Variants in PKNOX2 observed in about 807,000 individuals in gnomAD.
The protein encoded by PKNOX2 is PBX/knotted 1 homeobox 2.
In PKNOX2, 14 loss-of-function variants were observed where a neutral mutation model predicts 53.1. That is an observed-to-expected ratio of 0.26 (90% confidence interval 0.17 to 0.41). The LOEUF (loss-of-function observed/expected upper bound fraction) is 0.41. PKNOX2 is among the 10% of genes least tolerant of loss of function. The pLI, the probability that PKNOX2 is intolerant of heterozygous loss-of-function variation, is 1.00. For missense variants in PKNOX2, 496 were observed against 602.8 expected (o/e 0.82, Z 1.85); for synonymous variants, 257 against 242.8 (o/e 1.06, Z -0.54).
chr11:125,283,320 T>G (rs1174364888), intron 2 of PKNOX2, among the ~76,000 whole-genome samples: 3 of 152,148 alleles, frequency 2.0e-5, no homozygotes, highest in Non-Finnish European at 4.4e-5. Context: ...GGCTGACACC[T>G]CAAGAATGGA....
At chr11:125,426,158 T>C (rs1164692977) in intron 10 of PKNOX2, among the ~76,000 whole-genome samples, 2 of 152,196 alleles carry the variant, frequency 1.3e-5, no homozygotes, top group African/African-American at 4.8e-5. Context: ...AGGATTTCCT[T>C]CTCTGGAGGC....
intron 2 of PKNOX2, among the ~76,000 whole-genome samples, chr11:125,243,538 G>C (rs1943319377): frequency 6.6e-6 from 1 of 151,836 alleles, no homozygotes; most frequent in Non-Finnish European, 1.5e-5. Context: ...CACCTCTTGT[G>C]CCATAGTTGC....
intron 10 of PKNOX2, among the ~76,000 whole-genome samples, chr11:125,421,533 G>C (rs1021266098): frequency 1.1e-4 from 16 of 152,210 alleles, no homozygotes; most frequent in Middle Eastern, 3.2e-3. Flanking sequence ...ATCTGGAACA[G>C]GTTAATGAAC....
intron 1 of PKNOX2, among the ~76,000 whole-genome samples, chr11:125,167,995 T>C (rs1955017711): frequency 6.6e-6 from 1 of 152,236 alleles, no homozygotes; most frequent in Admixed American, 6.5e-5. Flanking sequence ...CCTTTAAATG[T>C]TGCTTGGTGC....
At chr11:125,279,811 T>C (rs1205130990) in intron 2 of PKNOX2, among the ~76,000 whole-genome samples, 4 of 152,198 alleles carry the variant, frequency 2.6e-5, no homozygotes, top group Admixed American at 2.0e-4. Context: ...AAGTGTTAAA[T>C]ACAGCATCAA....
At chr11:125,313,579 G>A (rs1316410417) in intron 2 of PKNOX2, among the ~76,000 whole-genome samples, 3 of 152,074 alleles carry the variant, frequency 2.0e-5, no homozygotes, top group Non-Finnish European at 2.9e-5. Context: ...AAAGCTCAAA[G>A]GACAGCATCC....
At chr11:125,196,503 T>C (rs1372281787) in intron 1 of PKNOX2, among the ~76,000 whole-genome samples, 1 of 152,170 alleles carries the variant, frequency 6.6e-6, no homozygotes, top group East Asian at 1.9e-4. Flanking sequence ...AGAAGCTTCA[T>C]GCTGTGTGTT....
intron 3 of PKNOX2, among the ~76,000 whole-genome samples, chr11:125,342,802 C>T (rs1950766517): frequency 6.6e-6 from 1 of 151,612 alleles, no homozygotes; most frequent in South Asian, 2.1e-4. Flanking sequence ...TCCCAGGTGC[C>T]CTGACACTCC....
intron 1 of PKNOX2, among the ~76,000 whole-genome samples, chr11:125,224,986 G>T (rs1403955891): frequency 1.3e-5 from 2 of 152,214 alleles, no homozygotes; most frequent in Non-Finnish European, 2.9e-5. Flanking sequence ...GGTGCTGGGT[G>T]CTCCCTCCAG....
intron 10 of PKNOX2, among the ~76,000 whole-genome samples, chr11:125,418,619 T>A (rs1328760412): frequency 6.6e-6 from 1 of 152,024 alleles, no homozygotes; most frequent in Non-Finnish European, 1.5e-5. Flanking sequence ...CCTCTGTGCC[T>A]CGGTGTTGCC....
chr11:125,399,833 C>T (rs1309146012), intron 7 of PKNOX2, among the ~76,000 whole-genome samples: 1 of 152,206 alleles, frequency 6.6e-6, no homozygotes, highest in Non-Finnish European at 1.5e-5. Context: ...GAGGGCTTAG[C>T]AGCCACCTCA....
At chr11:125,331,390 G>A (rs1315520496) in intron 2 of PKNOX2, among the ~76,000 whole-genome samples, 1 of 130,032 alleles carries the variant, frequency 7.7e-6, no homozygotes, top group Non-Finnish European at 1.6e-5. Context: ...ACTGTCATTT[G>A]GATCTGCAAC....
chr11:125,220,528 G>T (rs1305200345), intron 1 of PKNOX2, among the ~76,000 whole-genome samples: 5 of 152,258 alleles, frequency 3.3e-5, no homozygotes, highest in African/African-American at 1.2e-4. Context: ...ATGGGTACCT[G>T]GTGGAAGATG....
rs34936365 is a variant in PKNOX2, at chr11:125,385,651, G to A, written c.328G>A (p.Glu110Lys). ...ITSASFDVDI[E>K]NFVHQQEQEH... ...CTCCGCCAGCTTTGATGTGGACATCGAGAACTTTGTCCACCAGCAGGAACA... is the reference window on the plus strand; with the variant it reads ...CTCCGCCAGCTTTGATGTGGACATCAAGAACTTTGTCCACCAGCAGGAACA... Residue 110 changes from glutamate (E) to lysine (K), a missense_variant, in exon 6 of 13, where the codon GAG (glutamate) becomes AAG (lysine). Coordinates refer to ENST00000298282, the MANE Select transcript of PKNOX2 (RefSeq NM_001382323.2). 9.3e-6 allele frequency: 15 copies of A among 1,613,944 alleles called. No homozygotes were observed. The highest frequency in any genetic ancestry group is 5.0e-5 in the Admixed American group (3 of 59,980).
At chr11:125,383,580 G>T (rs1337880110) in intron 5 of PKNOX2, among the ~76,000 whole-genome samples, 2 of 152,056 alleles carry the variant, frequency 1.3e-5, no homozygotes, top group Non-Finnish European at 2.9e-5. Flanking sequence ...TCATGCCACT[G>T]CACTCCAGCC....
intron 2 of PKNOX2, among the ~76,000 whole-genome samples, chr11:125,300,959 C>A (rs1948022385): frequency 6.6e-6 from 1 of 152,184 alleles, no homozygotes. Flanking sequence ...GTCTTAAGCT[C>A]TAGCGAGATT....
At chr11:125,327,071 T>G (rs540258352) in intron 2 of PKNOX2, among the ~76,000 whole-genome samples, 2 of 152,256 alleles carry the variant, frequency 1.3e-5, no homozygotes, top group Admixed American at 1.3e-4. Context: ...ACAAAAAAGC[T>G]TGGTGTTTTA....
rs12271431 is a variant in PKNOX2 at position 125,370,069 on chromosome 11, G to C, written c.227+2084G>C. Among the ~76,000 whole-genome samples the C allele has an allele frequency of 0.021, 3,149 of 152,246 alleles. 80 individuals carry two copies. The highest frequency in any genetic ancestry group is 0.056 in the African/African-American group (2,321 of 41,526). On this transcript the variant is annotated intron_variant, in intron 5 of 12. Coordinates refer to ENST00000298282, the MANE Select transcript of PKNOX2 (RefSeq NM_001382323.2). This position sits in a 1 kb window ranked among gnomAD's most constrained non-coding sequence, Gnocchi z 4.1. ...CAGACCCCTGGGTCAGGGGCCTGTA[G>C]TGAGCATAGATCATGGTCTAGAAAG...
intron 12 of PKNOX2, 45 bp downstream of exon 12, chr11:125,430,186 C>T (rs1470079568): frequency 6.3e-7 from 1 of 1,586,402 alleles, no homozygotes; most frequent in Middle Eastern, 1.7e-4. Context: ...GCTGGGGGTG[C>T]TCCTGGAGCT....
Sources: allele counts gnomAD v4.1 joint callset (sites outside exome capture counted in the v4.1 genomes callset), GRCh38; gene constraint gnomAD v4.1.1; non-coding constraint Gnocchi (gnomAD v3.1); transcripts MANE v1.5; gene names NCBI Gene and HGNC (gene_info 2026-07-23, HGNC 2026-07-21).